The following CEMIP variants were observed in gnomAD, a reference collection of about 807,000 sequenced individuals.
CEMIP encodes the protein cell migration inducing hyaluronidase 1, also known as cell migration-inducing and hyaluronan-binding protein.
In CEMIP, 105 loss-of-function variants were observed where a neutral mutation model predicts 156.9. The ratio of observed to expected loss-of-function variants is 0.67; its 90% CI spans 0.57 to 0.79. CEMIP has a LOEUF of 0.79. Ranked by LOEUF, CEMIP falls within the 30% of genes least tolerant of loss-of-function variation. The pLI, the probability that CEMIP is intolerant of heterozygous loss-of-function variation, is 0.00. For missense variants in CEMIP, 1,457 were observed against 1,769.4 expected (o/e 0.82, Z 3.17); for synonymous variants, 676 against 668.4 (o/e 1.01, Z -0.17).
rs145563430 is a variant in CEMIP, at chr15:80,811,203, G to A, written c.-176+31589G>A. ...TCAGGTGGTTTAGGAGCCCAAAGTCGGGTAGGAAATCTGGAAATGGTGAAA... is the reference window on the plus strand; with the variant it reads ...TCAGGTGGTTTAGGAGCCCAAAGTCAGGTAGGAAATCTGGAAATGGTGAAA... On this transcript the variant is annotated intron_variant, in intron 1 of 29. Transcript: ENST00000394685. Among the ~76,000 whole-genome samples the A allele has an allele frequency of 1.4e-4, 21 of 152,264 alleles. No homozygotes were observed. The South Asian group carries it at 2.1e-3, about 15-fold the overall frequency.
intron 1 of CEMIP, among the ~76,000 whole-genome samples, chr15:80,855,637 C>A (rs1897835222): frequency 6.6e-6 from 1 of 152,114 alleles, no homozygotes; most frequent in Non-Finnish European, 1.5e-5. Context: ...CAGCTCCTGT[C>A]TCGGCCTCCC....
chr15:80,898,426 C>T (rs1899321123), intron 12 of CEMIP, among the ~76,000 whole-genome samples: 1 of 152,144 alleles, frequency 6.6e-6, no homozygotes, highest in South Asian at 2.1e-4. Flanking sequence ...TTATTATTAC[C>T]ATTAGGTGCA....
chr15:80,885,940 A>G (rs769316928), intron 7 of CEMIP, among the ~76,000 whole-genome samples: 26 of 152,344 alleles, frequency 1.7e-4, no homozygotes, highest in Middle Eastern at 3.4e-3. Context: ...CCTCATTTGT[A>G]TAGAGACATT....
intron 16 of CEMIP, 34 bp from the exon 17 acceptor site, chr15:80,921,975 G>T: frequency 6.2e-7 from 1 of 1,613,448 alleles, no homozygotes; most frequent in South Asian, 1.1e-5. Context: ...GGGGCTGAAC[G>T]CTGTGGCTTT....
intron 1 of CEMIP, among the ~76,000 whole-genome samples, chr15:80,869,283 G>C (rs1898211425): frequency 6.6e-6 from 1 of 152,130 alleles, no homozygotes; most frequent in South Asian, 2.1e-4. Flanking sequence ...AGGTGCTGGG[G>C]GATAGGATTT....
At chr15:80,801,841 A>T (rs1309550358) in intron 1 of CEMIP, among the ~76,000 whole-genome samples, 1 of 152,184 alleles carries the variant, frequency 6.6e-6, no homozygotes, top group East Asian at 1.9e-4. Context: ...TGTACAGACT[A>T]TTTTTCTTGT....
At chr15:80,844,979 A>G (rs1053597772) in intron 1 of CEMIP, among the ~76,000 whole-genome samples, 1 of 152,228 alleles carries the variant, frequency 6.6e-6, no homozygotes, top group Non-Finnish European at 1.5e-5. Flanking sequence ...CAGCTCATCC[A>G]GATGTTCCTA....
At chr15:80,877,434 C>T (rs1309289868) in intron 3 of CEMIP, among the ~76,000 whole-genome samples, 1 of 152,180 alleles carries the variant, frequency 6.6e-6, no homozygotes, top group African/African-American at 2.4e-5. Flanking sequence ...CTGCACGTCA[C>T]CTTCCCACCT....
chr15:80,921,011 G>C lies in CEMIP; in HGVS notation c.2004-21G>C, dbSNP rs527331460. The C allele has an allele frequency of 1.8e-5, 29 of 1,612,710 alleles. No homozygotes were observed. In the African/African-American group the frequency reaches 3.9e-4, roughly 22 times the overall value. Reference sequence around the variant, plus strand: ...CTGGCGGCCCTTTATCTGATCTCAGGTATCTCTGCCCTCCCTGCAGTGCTG... The same window carrying C: ...CTGGCGGCCCTTTATCTGATCTCAGCTATCTCTGCCCTCCCTGCAGTGCTG... On this transcript the variant is annotated intron_variant, in intron 15 of 29. Transcript: ENST00000394685.
intron 1 of CEMIP, among the ~76,000 whole-genome samples, chr15:80,810,175 T>C (rs917436578): frequency 1.3e-5 from 2 of 152,218 alleles, no homozygotes; most frequent in Non-Finnish European, 2.9e-5. Flanking sequence ...ATAATATGGA[T>C]GTGCAATATC....
intron 1 of CEMIP, among the ~76,000 whole-genome samples, chr15:80,825,411 T>C (rs1357745011): frequency 6.6e-6 from 1 of 152,160 alleles, no homozygotes; most frequent in Non-Finnish European, 1.5e-5. Flanking sequence ...AAATGTACAA[T>C]TCCTAACTTC....
chr15:80,845,639 CAG>C (rs762846255), intron 1 of CEMIP, among the ~76,000 whole-genome samples: 28 of 152,172 alleles, frequency 1.8e-4, no homozygotes, highest in Non-Finnish European at 3.5e-4. Flanking sequence ...CCAGGGAAAA[CAG>C]ACAGTTCTAT....
At chr15:80,803,977 C>A (rs905125664) in intron 1 of CEMIP, among the ~76,000 whole-genome samples, 1 of 152,160 alleles carries the variant, frequency 6.6e-6, no homozygotes, top group African/African-American at 2.4e-5. Context: ...GCTGGGGAGG[C>A]CTCACAATGA....
At chr15:80,877,065 C>T (rs1898501093) in intron 3 of CEMIP, among the ~76,000 whole-genome samples, 1 of 152,096 alleles carries the variant, frequency 6.6e-6, no homozygotes, top group African/African-American at 2.4e-5. Context: ...AAGTGAAAGG[C>T]GATTCCCCTG....
chr15:80,822,192 C>T (rs534106029), intron 1 of CEMIP, among the ~76,000 whole-genome samples: 20 of 152,222 alleles, frequency 1.3e-4, no homozygotes, highest in African/African-American at 4.8e-4. Flanking sequence ...CTGGCTCCCC[C>T]AGATGTGTTT....
rs754349255 is a variant in CEMIP, at chr15:80,937,826, C to T, written c.3254C>T (p.Pro1085Leu). 8.1e-6 allele frequency: 13 copies of T among 1,614,092 alleles called. No individual in the cohort carries two copies. Among genetic ancestry groups the T allele is most frequent in the Admixed American group, 1.7e-5 (1 of 60,006 alleles). The change falls in exon 25 of 30, where the codon CCG becomes CTG. Residue 1085 changes from proline to leucine, a missense_variant. Physicochemically the swap from Pro to Leu is moderately conservative, Grantham distance 98. Coordinates refer to ENST00000394685, the MANE Select transcript of CEMIP (RefSeq NM_001293298.2). ...TGGATCCGAGTGGGGCTCTGCTACC[C>T]GCGAGGCACCACATTCTCCATCCTC... is the stretch of plus-strand genomic sequence containing the variant. ...GDWIRVGLCY[P>L]RGTTFSILSD...
chr15:80,797,370 C>A (rs115513679), intron 1 of CEMIP, among the ~76,000 whole-genome samples: 2 of 152,106 alleles, frequency 1.3e-5, no homozygotes, highest in South Asian at 2.1e-4. Context: ...GCAGTGCTGG[C>A]GTGTGGAGGG....
chr15:80,860,215 C>T (rs1897952229), intron 1 of CEMIP, among the ~76,000 whole-genome samples: 1 of 152,174 alleles, frequency 6.6e-6, no homozygotes, highest in Non-Finnish European at 1.5e-5. Context: ...GTAGTTTGAA[C>T]AGACAAAACA....
rs1900969552 is a variant in CEMIP at position 80,932,733 on chromosome 15, A to AAG, written c.2794-509_2794-508dup. 1.3e-5 allele frequency among the ~76,000 whole-genome samples: 2 copies of AAG among 152,346 alleles called. No individual in the cohort carries two copies. The highest frequency in any genetic ancestry group is 1.3e-4 in the Admixed American group (2 of 15,312). On this transcript the variant is annotated intron_variant, in intron 22 of 29. Coordinates refer to ENST00000394685, the MANE Select transcript of CEMIP (RefSeq NM_001293298.2). The surrounding 1 kb of genome is among the most constrained non-coding windows in gnomAD (Gnocchi z 4.5). The stretch of plus-strand genomic sequence containing the variant: ...TTTACTCAGGCAACTGAGAGCCTGA[A>AAG]AGAGGTCAGTTATGGAAATCTGCAA...
Sources: allele counts gnomAD v4.1 joint callset (sites outside exome capture counted in the v4.1 genomes callset), GRCh38; gene constraint gnomAD v4.1.1; non-coding constraint Gnocchi (gnomAD v3.1); transcripts MANE v1.5; gene names NCBI Gene and HGNC (gene_info 2026-07-23, HGNC 2026-07-21).